Variants in SGCD observed in about 807,000 individuals in gnomAD.
SGCD encodes the protein sarcoglycan delta.
SGCD carries 18 observed loss-of-function variants against 36.6 expected under a neutral mutation model. The observed-to-expected ratio is 0.49, with a 90% confidence interval of 0.34 to 0.73. The LOEUF is 0.73. Ranked by LOEUF, SGCD falls within the 30% of genes least tolerant of loss-of-function variation. SGCD has a pLI of 0.01. For missense variants in SGCD, 387 were observed against 346.7 expected (o/e 1.12, Z -0.92); for synonymous variants, 133 against 130.6 (o/e 1.02, Z -0.12).
At chr5:155,924,171 G>T (rs1483150748) in intron 1 of SGCD, among the ~76,000 whole-genome samples, 1 of 152,134 alleles carries the variant, frequency 6.6e-6, no homozygotes, top group East Asian at 1.9e-4. Flanking sequence ...ATAGTTGAAA[G>T]AAATCCAGAA....
At chr5:155,875,434 A>G (rs1170538400) in intron 1 of SGCD, among the ~76,000 whole-genome samples, 1 of 152,132 alleles carries the variant, frequency 6.6e-6, no homozygotes, top group African/African-American at 2.4e-5. Context: ...AATAGCATAA[A>G]TGAAGATGAT....
Position 156,233,441 on chromosome 5 carries a change from A to G in SGCD, c.-43-96093A>G, listed in dbSNP as rs538979330. Among the ~76,000 whole-genome samples the G allele has an allele frequency of 4.5e-4, 68 of 152,372 alleles. 1 individual carries two copies. The South Asian group carries it at 8.9e-3, about 20-fold the overall frequency. On this transcript the variant is annotated intron_variant, in intron 3 of 9. Transcript: ENST00000517913. ...AAATCTGTTTGATGAACAAGGTGGT[A>G]TTCTAGAGGCAAGCACTAAAAGCTC...
intron 1 of SGCD, among the ~76,000 whole-genome samples, chr5:155,926,935 G>A (rs1053118421): frequency 6.6e-6 from 1 of 152,170 alleles, no homozygotes; most frequent in Non-Finnish European, 1.5e-5. Flanking sequence ...AATGTCCAGA[G>A]ACACTTTTGG....
the SGCD span, among the ~76,000 whole-genome samples, chr5:155,827,730 G>A: frequency 7.4e-6 from 1 of 135,588 alleles, no homozygotes; most frequent in South Asian, 2.4e-4. Flanking sequence ...CCAGGCTGGA[G>A]TGCAATGGTG....
At position 155,931,287 on chromosome 5, in the gene SGCD, G is replaced by A. The variant is rs189504259; in HGVS notation, c.-282+60863G>A. Among the ~76,000 whole-genome samples, 16 of 152,192 alleles carry A rather than the reference G, an allele frequency of 1.1e-4. No homozygotes were observed. The East Asian group carries it at 3.1e-3, about 29-fold the overall frequency. On this transcript the variant is annotated intron_variant, in intron 1 of 9. Transcript: ENST00000517913. ...CTTTATATTCTGAGTTCCATTGGGG[G>A]TTATAAGAAAATTGAAAGAAGTAGC...
chr5:155,988,625 C>G (rs1193324291), intron 1 of SGCD, among the ~76,000 whole-genome samples: 1 of 151,718 alleles, frequency 6.6e-6, no homozygotes, highest in African/African-American at 2.4e-5. Flanking sequence ...GTCGTATTGT[C>G]TAACAAGAAA....
intron 1 of SGCD, among the ~76,000 whole-genome samples, chr5:155,919,009 A>G (rs968247607): frequency 2.0e-4 from 30 of 152,244 alleles, no homozygotes; most frequent in Admixed American, 2.0e-4. Context: ...CATTGTTTCC[A>G]TAGAGTGGCT....
intron 3 of SGCD, among the ~76,000 whole-genome samples, chr5:156,433,298 T>A (rs1249392980): frequency 6.6e-6 from 1 of 152,090 alleles, no homozygotes; most frequent in Non-Finnish European, 1.5e-5. Flanking sequence ...TCTAGTAAGT[T>A]GGGGAGTGGG....
At chr5:156,214,565 T>A (rs919868986) in intron 3 of SGCD, among the ~76,000 whole-genome samples, 2 of 151,988 alleles carry the variant, frequency 1.3e-5, no homozygotes, top group Non-Finnish European at 2.9e-5. Context: ...TTAAATATAA[T>A]CTCTATTAAA....
chr5:156,732,785 T>G (rs1756146409), intron 7 of SGCD, among the ~76,000 whole-genome samples: 1 of 152,136 alleles, frequency 6.6e-6, no homozygotes, highest in Non-Finnish European at 1.5e-5. Context: ...TATTGGTCTA[T>G]TCAGGGAGTC....
chr5:155,929,782 C>A (rs564758794), intron 1 of SGCD, among the ~76,000 whole-genome samples: 2 of 152,300 alleles, frequency 1.3e-5, no homozygotes, highest in African/African-American at 4.8e-5. Context: ...CAGCCTTTAG[C>A]AAAATAATCA....
At chr5:156,302,648 A>G (rs1201822363) in intron 3 of SGCD, among the ~76,000 whole-genome samples, 4 of 152,144 alleles carry the variant, frequency 2.6e-5, no homozygotes, top group Non-Finnish European at 4.4e-5. Context: ...ATTTGTATTT[A>G]TCCTTCTTGG....
At chr5:156,532,617 T>C (rs1328058481) in intron 4 of SGCD, among the ~76,000 whole-genome samples, 1 of 152,070 alleles carries the variant, frequency 6.6e-6, no homozygotes, top group African/African-American at 2.4e-5. Flanking sequence ...CCCACCACCA[T>C]GTCCGGCTAA....
chr5:156,234,228 G>A (rs886740053), intron 3 of SGCD, among the ~76,000 whole-genome samples: 1 of 152,086 alleles, frequency 6.6e-6, no homozygotes, highest in African/African-American at 2.4e-5. Context: ...TAGTTGGGTT[G>A]TCTATCTTTT....
At chr5:155,746,450 A>G in the SGCD span, among the ~76,000 whole-genome samples, 1 of 152,138 alleles carries the variant, frequency 6.6e-6, no homozygotes, top group African/African-American at 2.4e-5. Flanking sequence ...AGGGTTATGT[A>G]GTAGTAGAGT....
intron 3 of SGCD, among the ~76,000 whole-genome samples, chr5:156,204,726 G>A (rs1325435546): frequency 2.6e-5 from 4 of 152,196 alleles, no homozygotes; most frequent in South Asian, 4.1e-4. Context: ...GGCACATTAT[G>A]TAACTGGTAT....
At chr5:156,437,141 T>C (rs994399639) in intron 3 of SGCD, among the ~76,000 whole-genome samples, 5 of 152,164 alleles carry the variant, frequency 3.3e-5, no homozygotes, top group African/African-American at 9.7e-5. Flanking sequence ...TCATGGAATC[T>C]TGTGTTTGAT....
intron 4 of SGCD, among the ~76,000 whole-genome samples, chr5:156,530,461 T>C (rs2113095625): frequency 6.6e-6 from 1 of 152,396 alleles, no homozygotes; most frequent in South Asian, 2.1e-4. Flanking sequence ...GCCAAAGTCT[T>C]TCACTTATTT....
chr5:156,489,659 A>G (rs955635823), intron 3 of SGCD, among the ~76,000 whole-genome samples: 3 of 152,078 alleles, frequency 2.0e-5, no homozygotes, highest in African/African-American at 7.2e-5. Context: ...AAAATCAAAA[A>G]CATTTTTGAA....
Sources: allele counts gnomAD v4.1 joint callset (sites outside exome capture counted in the v4.1 genomes callset), GRCh38; gene constraint gnomAD v4.1.1; transcripts MANE v1.5; gene names NCBI Gene and HGNC (gene_info 2026-07-23, HGNC 2026-07-21).